The following CSMD1 variants were observed in gnomAD, a reference collection of about 807,000 sequenced individuals.
CSMD1 encodes CUB and sushi domain-containing protein 1.
A neutral mutation model predicts 417.5 loss-of-function variants in CSMD1; 213 were observed. That is an observed-to-expected ratio of 0.51 (90% CI 0.46 to 0.57). The LOEUF is 0.57. Ranked by LOEUF, CSMD1 falls within the 20% of genes least tolerant of loss-of-function variation. The pLI is 0.00. For missense variants in CSMD1, 6,923 were observed against 4,529.7 expected, an observed-to-expected ratio of 1.53 and a Z score of -15.17; for synonymous variants, 2,862 against 1,736.8, an observed-to-expected ratio of 1.65 and a Z score of -16.11.
rs754578463 is a variant in CSMD1, at chr8:4,637,578, C to CA, written c.86-21dup. The CA allele has an allele frequency of 1.8e-5, 27 of 1,476,548 alleles. No homozygotes were observed. The highest frequency in any genetic ancestry group is 2.3e-5 in the South Asian group (2 of 87,316). 91.5% of individuals were successfully genotyped at this position (1,476,548 alleles called of 1,614,324 possible). A position where few individuals can be genotyped will look rare whatever the true frequency, so the allele number is the denominator to read the frequency against. ...TCTGACCTGGAAGAGAAAACACACACAAAAAAGCATATTATTCTGGCCATC... is the reference window on the plus strand; with the variant it reads ...TCTGACCTGGAAGAGAAAACACACACAAAAAAAGCATATTATTCTGGCCATC... On this transcript the variant is annotated intron_variant, in intron 1 of 69. Transcript: ENST00000635120.
chr8:3,660,758 T>C (rs970627459), intron 7 of CSMD1, among the ~76,000 whole-genome samples: 7 of 151,950 alleles, frequency 4.6e-5, no homozygotes, highest in East Asian at 1.9e-4. Flanking sequence ...TGACCTCAAA[T>C]GATCCACACA....
intron 12 of CSMD1, among the ~76,000 whole-genome samples, chr8:3,425,508 A>C (rs903788955): frequency 6.6e-6 from 1 of 151,236 alleles, no homozygotes; most frequent in Non-Finnish European, 1.5e-5. Context: ...GAACCGCTTG[A>C]ACCCAGGAGG....
At chr8:4,191,744 C>CAAA (rs3065543) in intron 3 of CSMD1, among the ~76,000 whole-genome samples, 40 of 135,718 alleles carry the variant, frequency 2.9e-4, no homozygotes, top group Admixed American at 1.1e-3. Flanking sequence ...AAGGTCATTC[C>CAAA]AAAAAAAAAA....
At chr8:4,907,137 G>A (rs988293467) in intron 1 of CSMD1, among the ~76,000 whole-genome samples, 1 of 152,162 alleles carries the variant, frequency 6.6e-6, no homozygotes, top group South Asian at 2.1e-4. Context: ...AAGAGTTAGG[G>A]AATAATGATG....
chr8:4,015,014 T>G (rs767162376), intron 4 of CSMD1, among the ~76,000 whole-genome samples: 13 of 152,166 alleles, frequency 8.5e-5, no homozygotes, highest in Non-Finnish European at 1.6e-4. Context: ...TAGACCAGGT[T>G]TACTAGAATC....
intron 49 of CSMD1, among the ~76,000 whole-genome samples, chr8:3,078,010 T>C (rs1338396599): frequency 6.6e-6 from 1 of 152,258 alleles, no homozygotes; most frequent in East Asian, 1.9e-4. Context: ...CACGATCCCT[T>C]TGTTTGCTTT....
chr8:3,296,153 G>C (rs930370514), intron 25 of CSMD1, among the ~76,000 whole-genome samples: 1 of 151,988 alleles, frequency 6.6e-6, no homozygotes, highest in African/African-American at 2.4e-5. Context: ...AATTCTTAGG[G>C]GAGGAAGGGG....
At chr8:3,337,498 G>C (rs1235664323) in intron 23 of CSMD1, among the ~76,000 whole-genome samples, 2 of 152,034 alleles carry the variant, frequency 1.3e-5, no homozygotes, top group African/African-American at 4.8e-5. Flanking sequence ...TGGCAGTCTT[G>C]CCTAAACAAT....
chr8:4,778,054 C>G (rs1796959435), intron 1 of CSMD1, among the ~76,000 whole-genome samples: 3 of 152,268 alleles, frequency 2.0e-5, no homozygotes, highest in South Asian at 4.1e-4. Flanking sequence ...AATTCAGACA[C>G]ATAAACACAC....
At chr8:3,199,370 C>G (rs1050342051) in intron 33 of CSMD1, among the ~76,000 whole-genome samples, 3 of 151,856 alleles carry the variant, frequency 2.0e-5, no homozygotes, top group Admixed American at 6.6e-5. Context: ...TTACTAAGAT[C>G]TCAACTATTT....
intron 5 of CSMD1, among the ~76,000 whole-genome samples, chr8:3,985,510 A>T (rs564711090): frequency 2.5e-4 from 38 of 152,224 alleles, no homozygotes; most frequent in Admixed American, 4.6e-4. Flanking sequence ...CAAATGTTTC[A>T]AGAGCCAGAT....
chr8:4,271,757 A>G (rs965073269), intron 3 of CSMD1, among the ~76,000 whole-genome samples: 1 of 152,148 alleles, frequency 6.6e-6, no homozygotes, highest in Non-Finnish European at 1.5e-5. Flanking sequence ...TATACATATA[A>G]AACAAAAATG....
intron 7 of CSMD1, among the ~76,000 whole-genome samples, chr8:3,623,838 G>A (rs186819412): frequency 9.9e-4 from 150 of 152,140 alleles, no homozygotes; most frequent in African/African-American, 3.4e-3. Context: ...TTAGCTGGGC[G>A]TGCTGGTGTG....
chr8:3,553,150 A>C (rs1188567109), intron 10 of CSMD1, among the ~76,000 whole-genome samples: 2 of 151,956 alleles, frequency 1.3e-5, no homozygotes, highest in African/African-American at 4.8e-5. Flanking sequence ...GGAAAGACCT[A>C]CTCTGAATAT....
rs1170813526 is a variant in CSMD1, at chr8:4,263,167, T to C, written c.415+156786A>G. Among the ~76,000 whole-genome samples the C allele has an allele frequency of 2.6e-5, 4 of 152,006 alleles. No homozygotes were observed. In the East Asian group the frequency reaches 7.8e-4, roughly 30 times the overall value. ...AATGTATTACGTAAAAGCAATGTTCTGACTAGCTGTGTATTCTAGTGCCGT... is the reference window on the plus strand; with the variant it reads ...AATGTATTACGTAAAAGCAATGTTCCGACTAGCTGTGTATTCTAGTGCCGT... On this transcript the variant is annotated intron_variant, in intron 3 of 69. Transcript: ENST00000635120.
At chr8:4,017,021 G>T (rs936804038) in intron 4 of CSMD1, among the ~76,000 whole-genome samples, 2 of 152,122 alleles carry the variant, frequency 1.3e-5, no homozygotes, top group Non-Finnish European at 2.9e-5. Flanking sequence ...CTTTCAGAAG[G>T]AAGAGCCACA....
rs911019400 is a variant in CSMD1, at chr8:4,696,593, C to T, written c.86-59035G>A. The stretch of plus-strand genomic sequence containing the variant: ...TATAGGAATAACAGTTAATTTCCCC[C>T]GTATTACCCAGATTTATTATCCAAA... On this transcript the variant is annotated intron_variant, in intron 1 of 69. Coordinates refer to ENST00000635120, the MANE Select transcript of CSMD1 (RefSeq NM_033225.6). Among the ~76,000 whole-genome samples, 10 of 152,126 alleles carry T rather than the reference C, an allele frequency of 6.6e-5. No homozygotes were observed. In the South Asian group the frequency reaches 1.2e-3, roughly 19 times the overall value.
At chr8:3,264,647 A>T (rs1195585362) in intron 26 of CSMD1, among the ~76,000 whole-genome samples, 1 of 152,216 alleles carries the variant, frequency 6.6e-6, no homozygotes, top group African/African-American at 2.4e-5. Flanking sequence ...CTTTCTTCTA[A>T]GGGAAGTACT....
At chr8:4,378,188 C>G (rs1438209) in intron 3 of CSMD1, among the ~76,000 whole-genome samples, 3 of 152,082 alleles carry the variant, frequency 2.0e-5, no homozygotes, top group South Asian at 4.1e-4. Context: ...CGACTCTAAT[C>G]GGCGTCCAAC....
Sources: gnomAD v4.1 joint callset for allele counts (sites outside exome capture counted in the v4.1 genomes callset) on GRCh38, gnomAD v4.1.1 for gene constraint, MANE v1.5 for transcripts, NCBI Gene and HGNC (gene_info 2026-07-23, HGNC 2026-07-21) for gene names.